PAX8: variants seen among roughly 807,000 people sequenced by gnomAD.
PAX8 encodes paired box protein Pax-8.
A neutral mutation model predicts 52.4 loss-of-function variants in PAX8; 15 were observed. The ratio of observed to expected loss-of-function variants is 0.29; its 90% CI spans 0.19 to 0.44. PAX8 has a LOEUF of 0.44. Ranked by LOEUF, PAX8 falls within the 20% of genes least tolerant of loss-of-function variation. PAX8 has a pLI of 1.00. For synonymous variants in PAX8, 284 were observed against 249.7 expected (o/e 1.14, Z -1.29); for missense variants, 554 against 602.5 (o/e 0.92, Z 0.84).
chr2:113,264,744 A>T (rs575334184), intron 2 of PAX8, among the ~76,000 whole-genome samples: 1 of 152,298 alleles, frequency 6.6e-6, no homozygotes, highest in South Asian at 2.1e-4. Context: ...GTCAGACAGG[A>T]TGGTCACTAA....
At chr2:113,241,125 G>A (rs182338737) in intron 7 of PAX8, 7 of 328,292 alleles carry the variant, frequency 2.1e-5, no homozygotes, top group East Asian at 8.0e-5. Context: ...TGGTGAGCTC[G>A]GGGCCATGAG....
At chr2:113,256,379 A>C (rs1692246652) in intron 2 of PAX8, among the ~76,000 whole-genome samples, 2 of 152,296 alleles carry the variant, frequency 1.3e-5, no homozygotes, top group South Asian at 4.1e-4. Context: ...GGCTCATCCC[A>C]GCTATTGCTG....
chr2:113,259,004 AG>A (rs1692467669), intron 2 of PAX8: 1 of 152,320 alleles, frequency 6.6e-6, no homozygotes, highest in Non-Finnish European at 1.5e-5. Flanking sequence ...TTGGGAGCAC[AG>A]GGGCCAGAGA....
At chr2:113,222,271 C>A (rs1689316913) in intron 10 of PAX8, among the ~76,000 whole-genome samples, 2 of 152,202 alleles carry the variant, frequency 1.3e-5, no homozygotes, top group Admixed American at 6.5e-5. Context: ...TTTTACCACA[C>A]CCTACCCAAT....
At chr2:113,251,933 A>G (rs963237176) in intron 2 of PAX8, among the ~76,000 whole-genome samples, 4 of 152,178 alleles carry the variant, frequency 2.6e-5, no homozygotes, top group African/African-American at 9.7e-5. Context: ...GTCTTTGTCT[A>G]CTGTAATTAG....
At chr2:113,235,340 C>T in intron 9 of PAX8, 54 bp downstream of exon 9, 1 of 1,472,258 alleles carries the variant, frequency 6.8e-7, no homozygotes, top group Non-Finnish European at 9.2e-7. Flanking sequence ...GCCCTGAGGA[C>T]CCCCGTCCCA....
Position 113,217,897 on chromosome 2 carries a change from G to A in PAX8, c.*636C>T. 4.3e-6 allele frequency: 1 copy of A among 233,312 alleles called. No individual in the cohort carries two copies. The highest frequency in any genetic ancestry group is 6.0e-5 in the East Asian group (1 of 16,574). The allele number at this position is 233,312 out of a possible 1,614,324, so 14.5% of individuals were successfully genotyped here. A position where few individuals can be genotyped will look rare whatever the true frequency, so the allele number is the denominator to read the frequency against. ...AGCAGGCAAAAGAGGTCAGCTGACA[G>A]CCTGGTGGAATTTCTGAGGGACTCG... is the stretch of plus-strand genomic sequence containing the variant. On this transcript the variant is annotated 3_prime_UTR_variant, in exon 12 of 12. Coordinates refer to ENST00000429538, the MANE Select transcript of PAX8 (RefSeq NM_003466.4).
chr2:113,249,411 C>T (rs1037018018), intron 2 of PAX8, among the ~76,000 whole-genome samples: 5 of 152,134 alleles, frequency 3.3e-5, no homozygotes, highest in Non-Finnish European at 1.5e-5. Context: ...CAGCTTTGTC[C>T]TCATTTTCCA....
In PAX8 at chr2:113,278,899, T is replaced by C. The variant is rs1046456892; in HGVS notation, c.-144A>G. The C allele has an allele frequency of 1.9e-5, 20 of 1,050,304 alleles. No individual in the cohort carries two copies. In the African/African-American group the frequency reaches 3.2e-4, roughly 17 times the overall value. The allele number at this position is 1,050,304 out of a possible 1,614,324, so 65.1% of individuals were successfully genotyped here. Reference sequence around the variant, plus strand: ...GAGGGTGCCCTGGGCCCGGTGTCTCTCCTCCTTCTGAAGTTTGTTCCCATC... The same window carrying C: ...GAGGGTGCCCTGGGCCCGGTGTCTCCCCTCCTTCTGAAGTTTGTTCCCATC... On this transcript the variant is annotated 5_prime_UTR_variant, in exon 1 of 12. Transcript: ENST00000429538.
intron 2 of PAX8, among the ~76,000 whole-genome samples, chr2:113,249,589 T>A (rs12467324): frequency 0.15 from 22,505 of 151,762 alleles, 1,864 homozygotes; most frequent in Non-Finnish European, 0.19. Flanking sequence ...GCCTTTTTTT[T>A]AAAAAAAGAA....
intron 10 of PAX8, among the ~76,000 whole-genome samples, chr2:113,224,991 G>A (rs951463989): frequency 1.3e-5 from 2 of 152,094 alleles, no homozygotes; most frequent in Non-Finnish European, 2.9e-5. Flanking sequence ...AGGCAGTATG[G>A]TGTAGAGGAA....
chr2:113,225,880 TA>T (rs1558687136), intron 10 of PAX8: 1 of 973,592 alleles, frequency 1.0e-6, no homozygotes, highest in Non-Finnish European at 1.2e-6. Flanking sequence ...TCCACACTCT[TA>T]AAAAAATAAC....
At chr2:113,277,215 A>T (rs1693879966) in intron 2 of PAX8, among the ~76,000 whole-genome samples, 1 of 152,114 alleles carries the variant, frequency 6.6e-6, no homozygotes, top group Non-Finnish European at 1.5e-5. Flanking sequence ...GGGAGGGAGC[A>T]TTCGTCTGCA....
intron 2 of PAX8, among the ~76,000 whole-genome samples, chr2:113,254,996 G>T (rs1333973479): frequency 6.6e-6 from 1 of 151,542 alleles, no homozygotes; most frequent in African/African-American, 2.4e-5. Context: ...GTGCCTGTTG[G>T]TTATTGAAAG....
At position 113,242,137 on chromosome 2, in the gene PAX8, T is replaced by A; in HGVS notation, c.479-7A>T. 6.2e-7 allele frequency: 1 copy of A among 1,602,950 alleles called. No homozygotes were observed. On this transcript the variant is annotated splice_polypyrimidine_tract_variant and splice_region_variant and intron_variant, in intron 5 of 11. Transcript: ENST00000429538. ...GTTACAGCTGAGCTGGGGACTGCAGTGGGGGAGAGGGAGAGGGTCAGGGGT... is the reference window on the plus strand; with the variant it reads ...GTTACAGCTGAGCTGGGGACTGCAGAGGGGGAGAGGGAGAGGGTCAGGGGT...
At position 113,242,740 on chromosome 2, in the gene PAX8, G is replaced by T; in HGVS notation, c.428C>A (p.Pro143His). The T allele has an allele frequency of 6.2e-7, 1 of 1,613,976 alleles. No individual in the cohort carries two copies. The highest frequency in any genetic ancestry group is 1.1e-5 in the South Asian group (1 of 91,074). The stretch of plus-strand genomic sequence containing the variant: ...CTTGGTGGCCACGCAGCTGTCCATA[G>T]GGAGGTTGAATGGTTGCTGCACTTT... ...RTKVQQPFNL[P>H]MDSCVATKSL... is the part of the protein sequence containing the mutation. Residue 143 changes from proline (P) to histidine (H), a missense_variant, in exon 5 of 12, where the codon CCT (proline) becomes CAT (histidine). Around this residue, in one of 2 missense-constraint regions of PAX8, gnomAD observed 445 missense variants for 409.9 expected, o/e 1.09. Coordinates refer to ENST00000429538, the MANE Select transcript of PAX8 (RefSeq NM_003466.4).
intron 6 of PAX8, 31 bp downstream of exon 6, chr2:113,241,977 C>A (rs1399055233): frequency 6.2e-7 from 1 of 1,611,622 alleles, no homozygotes; most frequent in Non-Finnish European, 8.5e-7. Context: ...CTCTCGTGCA[C>A]CGCCCGCTGC....
chr2:113,220,994 A>G (rs890683510), intron 10 of PAX8, among the ~76,000 whole-genome samples: 1 of 152,254 alleles, frequency 6.6e-6, no homozygotes, highest in African/African-American at 2.4e-5. Flanking sequence ...AGTCAAACTG[A>G]TCACCACAGC....
At chr2:113,226,689 C>G in intron 10 of PAX8, 1 of 1,120,038 alleles carries the variant, frequency 8.9e-7, no homozygotes, top group South Asian at 2.5e-5. Context: ...TCATCATCAT[C>G]ATCAATACCC....
Sources: gnomAD v4.1 joint callset for allele counts (sites outside exome capture counted in the v4.1 genomes callset) on GRCh38, gnomAD v4.1.1 for gene constraint, gnomAD v4.1.1 regional missense constraint, MANE v1.5 for transcripts, NCBI Gene and HGNC (gene_info 2026-07-23, HGNC 2026-07-21) for gene names.